EPB41L5: variants seen among roughly 807,000 people sequenced by gnomAD.
The protein encoded by EPB41L5 is erythrocyte membrane protein band 4.1 like 5, also known as band 4.1-like protein 5.
A neutral mutation model predicts 106.6 loss-of-function variants in EPB41L5; 55 were observed. The ratio of observed to expected loss-of-function variants is 0.52; its 90% confidence interval spans 0.42 to 0.65. The LOEUF is 0.65. Ranked by LOEUF, EPB41L5 falls within the 30% of genes least tolerant of loss-of-function variation. The pLI is 0.00. For missense variants in EPB41L5, 871 were observed against 882.1 expected (o/e 0.99, Z 0.16); for synonymous variants, 297 against 306.7 (o/e 0.97, Z 0.33).
At chr2:120,042,458 C>T (rs1243348506) in intron 3 of EPB41L5, among the ~76,000 whole-genome samples, 1 of 152,104 alleles carries the variant, frequency 6.6e-6, no homozygotes, top group African/African-American at 2.4e-5. Context: ...TTCATGGGCT[C>T]TTGGGTAAAC....
intron 18 of EPB41L5, among the ~76,000 whole-genome samples, chr2:120,137,041 A>G (rs1685953049): frequency 6.6e-6 from 1 of 152,142 alleles, no homozygotes; most frequent in Non-Finnish European, 1.5e-5. Flanking sequence ...ACCACATGGA[A>G]TAAAACTAGA....
At chr2:120,061,031 G>GTTTTTTTTTTTTTTTTTTTTTTTT (rs375754153) in intron 3 of EPB41L5, among the ~76,000 whole-genome samples, 1 of 69,100 alleles carries the variant, frequency 1.4e-5, no homozygotes, top group Admixed American at 2.2e-4. Flanking sequence ...GTTCAGGGAA[G>GTTTTTTTTTTTTTTTTTTTTTTTT]TTTTTTTTTT....
At chr2:120,173,949 G>C (rs1403225251) in intron 24 of EPB41L5, among the ~76,000 whole-genome samples, 1 of 152,184 alleles carries the variant, frequency 6.6e-6, no homozygotes, top group Non-Finnish European at 1.5e-5. Context: ...TAAGTGCTGG[G>C]ATTGCAGGCG....
intron 1 of EPB41L5, among the ~76,000 whole-genome samples, chr2:120,018,234 T>C (rs938188301): frequency 4.6e-5 from 7 of 152,106 alleles, no homozygotes; most frequent in African/African-American, 1.7e-4. Flanking sequence ...CCCAAAGTGC[T>C]AGAATTACAG....
intron 21 of EPB41L5, among the ~76,000 whole-genome samples, chr2:120,163,730 G>A (rs1206171128): frequency 6.6e-6 from 1 of 151,484 alleles, no homozygotes; most frequent in African/African-American, 2.4e-5. Context: ...CAGGGTAGGA[G>A]GATCACTTGA....
intron 3 of EPB41L5, among the ~76,000 whole-genome samples, chr2:120,054,590 C>G (rs1229236626): frequency 1.3e-4 from 20 of 151,862 alleles, no homozygotes; most frequent in Admixed American, 1.3e-3. Flanking sequence ...TGCAACTCCG[C>G]CTCCCGGTTC....
chr2:120,019,295 GT>G (rs754728632), intron 2 of EPB41L5, 31 bp downstream of exon 2: 1 of 1,579,682 alleles, frequency 6.3e-7, no homozygotes, highest in South Asian at 1.1e-5. Flanking sequence ...TCCAAATTCT[GT>G]TTGCGATTAC....
At position 120,077,088 on chromosome 2, in the gene EPB41L5, A is replaced by G. The variant is rs766998748; in HGVS notation, c.623A>G (p.Tyr208Cys). ...GCTATTTTTGAGAAATGGAAGGAAT[A>G]CAGGTATCTGGCGTTTGACCATACT... Reference protein sequence around the residue: ...ELAIFEKWKEYRGQTPAQAET... With the variant: ...ELAIFEKWKECRGQTPAQAET... The change falls in exon 8 of 25, where the codon TAC (tyrosine) becomes TGC (cysteine). Residue 208 changes from tyrosine (Y) to cysteine (C), a missense_variant. Tyr to Cys is a radical substitution (Grantham distance 194). Coordinates refer to ENST00000263713, the MANE Select transcript of EPB41L5 (RefSeq NM_020909.4). The G allele has an allele frequency of 2.5e-6, 4 of 1,611,180 alleles. No homozygotes were observed. The highest frequency in any genetic ancestry group is 3.4e-6 in the Non-Finnish European group (4 of 1,178,832).
intron 16 of EPB41L5, among the ~76,000 whole-genome samples, chr2:120,110,394 A>G (rs888686335): frequency 6.6e-6 from 1 of 152,166 alleles, no homozygotes; most frequent in South Asian, 2.1e-4. Flanking sequence ...TTGTAATATC[A>G]TCCAGCATTA....
chr2:120,109,858 A>C (rs1282802969), intron 16 of EPB41L5, among the ~76,000 whole-genome samples: 4 of 152,194 alleles, frequency 2.6e-5, no homozygotes, highest in African/African-American at 9.7e-5. Flanking sequence ...CTAATCAAAC[A>C]TTGTCCCTGA....
At chr2:120,018,188 C>G (rs12104498) in intron 1 of EPB41L5, among the ~76,000 whole-genome samples, 1 of 151,818 alleles carries the variant, frequency 6.6e-6, no homozygotes, top group Non-Finnish European at 1.5e-5. Context: ...AGGATGGTCT[C>G]GATCTCCTGA....
chr2:120,154,742 T>C (rs1214470919), intron 20 of EPB41L5, among the ~76,000 whole-genome samples: 3 of 151,730 alleles, frequency 2.0e-5, no homozygotes, highest in Non-Finnish European at 4.4e-5. Context: ...CTGGCTAACA[T>C]GGTGAAACCC....
chr2:120,052,060 C>T (rs182671903), intron 3 of EPB41L5, among the ~76,000 whole-genome samples: 14 of 152,256 alleles, frequency 9.2e-5, no homozygotes, highest in South Asian at 2.1e-4. Flanking sequence ...CTCCTGACCT[C>T]GTGATCTGCC....
At chr2:120,103,990 C>T (rs1174426480) in intron 16 of EPB41L5, 1 of 1,443,262 alleles carries the variant, frequency 6.9e-7, no homozygotes, top group East Asian at 2.5e-5. Context: ...CCTTTATTGT[C>T]TCTTACACAT....
intron 16 of EPB41L5, among the ~76,000 whole-genome samples, chr2:120,109,343 T>C (rs775703915): frequency 6.6e-6 from 1 of 151,864 alleles, no homozygotes; most frequent in Non-Finnish European, 1.5e-5. Flanking sequence ...GCTGACTTTC[T>C]CCTCTTACAA....
At chr2:120,104,577 C>T (rs1209299122) in intron 16 of EPB41L5, 6 of 1,001,430 alleles carry the variant, frequency 6.0e-6, no homozygotes, top group African/African-American at 1.7e-5. Flanking sequence ...CCATTATTCC[C>T]CCACCACATG....
intron 18 of EPB41L5, among the ~76,000 whole-genome samples, chr2:120,136,073 A>G (rs1393482176): frequency 6.6e-6 from 1 of 151,844 alleles, no homozygotes; most frequent in Non-Finnish European, 1.5e-5. Flanking sequence ...GAAACAACAA[A>G]AAGTTAAAAA....
At chr2:120,111,545 A>G (rs577769198) in intron 16 of EPB41L5, among the ~76,000 whole-genome samples, 1 of 152,270 alleles carries the variant, frequency 6.6e-6, no homozygotes, top group African/African-American at 2.4e-5. Flanking sequence ...CCTTATAGTC[A>G]TCTTGACTCC....
intron 16 of EPB41L5, chr2:120,104,115 G>C: frequency 1.3e-6 from 2 of 1,535,910 alleles, no homozygotes; most frequent in Non-Finnish European, 1.7e-6. Context: ...GAACACAAGG[G>C]CCTTGCCCCC....
Sources: allele counts gnomAD v4.1 joint callset (sites outside exome capture counted in the v4.1 genomes callset), GRCh38; gene constraint gnomAD v4.1.1; transcripts MANE v1.5; gene names NCBI Gene and HGNC (gene_info 2026-07-23, HGNC 2026-07-21).